Variants in ZNF503 observed in about 807,000 individuals in gnomAD.
ZNF503 encodes the protein zinc finger protein 503, also known as NocA-like zinc finger 2.
In ZNF503, 15 loss-of-function variants were observed where a neutral mutation model predicts 34.4. The observed-to-expected ratio is 0.44, with a 90% CI of 0.29 to 0.67. The LOEUF (loss-of-function observed/expected upper bound fraction) is 0.67, where lower values mean the gene tolerates loss of function less well. Among genes scored for constraint, ZNF503 ranks in the 30% least tolerant of loss-of-function variants. ZNF503 has a pLI of 0.13. For missense variants in ZNF503, 1,007 were observed against 926.8 expected (o/e 1.09, Z -1.12); for synonymous variants, 580 against 456.8 (o/e 1.27, Z -3.44).
At chr10:75,356,745 G>A in the ZNF503 span, among the ~76,000 whole-genome samples, 1 of 152,152 alleles carries the variant, frequency 6.6e-6, no homozygotes, top group South Asian at 2.1e-4. Flanking sequence ...TTGAGGCCCT[G>A]ACAGATTTTA....
At chr10:75,294,931 T>G in the ZNF503 span, among the ~76,000 whole-genome samples, 393 of 152,270 alleles carry the variant, frequency 2.6e-3, 2 homozygotes, top group Non-Finnish European at 4.8e-3. Context: ...CATTATTGGT[T>G]ACGCTGTTGT....
At chr10:75,305,385 C>T in the ZNF503 span, among the ~76,000 whole-genome samples, 1 of 152,082 alleles carries the variant, frequency 6.6e-6, no homozygotes, top group African/African-American at 2.4e-5. Context: ...AGAAGTGTAA[C>T]ATACTGGTAG....
At chr10:75,325,023 C>T in the ZNF503 span, among the ~76,000 whole-genome samples, 1 of 151,978 alleles carries the variant, frequency 6.6e-6, no homozygotes, top group Non-Finnish European at 1.5e-5. Context: ...TGGGTTGTTT[C>T]CACTTTTTGG....
chr10:75,377,307 A>G, the ZNF503 span, among the ~76,000 whole-genome samples: 2 of 152,212 alleles, frequency 1.3e-5, no homozygotes, highest in African/African-American at 4.8e-5. Flanking sequence ...AGGGCACAAA[A>G]TCTCCAGAGT....
chr10:75,374,464 T>G, the ZNF503 span, among the ~76,000 whole-genome samples: 1 of 152,216 alleles, frequency 6.6e-6, no homozygotes, highest in East Asian at 1.9e-4. Context: ...GACTCCCACC[T>G]GGGGTCTTCG....
At chr10:75,363,330 C>A in the ZNF503 span, among the ~76,000 whole-genome samples, 1 of 151,938 alleles carries the variant, frequency 6.6e-6, no homozygotes, top group Non-Finnish European at 1.5e-5. Context: ...TGTGGCCAGG[C>A]CTTGGAGAAT....
chr10:75,343,930 G>C, the ZNF503 span, among the ~76,000 whole-genome samples: 1 of 152,224 alleles, frequency 6.6e-6, no homozygotes, highest in Non-Finnish European at 1.5e-5. Flanking sequence ...CTCCCATGCA[G>C]GCAGACTGTA....
the ZNF503 span, among the ~76,000 whole-genome samples, chr10:75,300,121 C>A: frequency 6.6e-6 from 1 of 152,148 alleles, no homozygotes; most frequent in African/African-American, 2.4e-5. Context: ...CCCAAGGGGG[C>A]CATTTTAGAG....
At chr10:75,334,942 T>C in the ZNF503 span, among the ~76,000 whole-genome samples, 111 of 152,372 alleles carry the variant, frequency 7.3e-4, no homozygotes, top group Middle Eastern at 3.4e-3. Flanking sequence ...TAACTTTTCT[T>C]CATTTTCAAA....
the ZNF503 span, among the ~76,000 whole-genome samples, chr10:75,353,155 T>C: frequency 2.0e-5 from 3 of 152,250 alleles, no homozygotes; most frequent in Non-Finnish European, 2.9e-5. Context: ...ACATTATACG[T>C]ACAGATTTGT....
the ZNF503 span, among the ~76,000 whole-genome samples, chr10:75,368,719 G>A: frequency 6.6e-6 from 1 of 152,214 alleles, no homozygotes; most frequent in Non-Finnish European, 1.5e-5. Context: ...GGAAATGGAT[G>A]ACCTGGCAAA....
At chr10:75,331,123 G>A in the ZNF503 span, among the ~76,000 whole-genome samples, 1 of 152,092 alleles carries the variant, frequency 6.6e-6, no homozygotes. Context: ...TGTTCCTCTT[G>A]TTATTGATTT....
chr10:75,304,114 G>A, the ZNF503 span, among the ~76,000 whole-genome samples: 7 of 152,148 alleles, frequency 4.6e-5, no homozygotes, highest in South Asian at 2.1e-4. Flanking sequence ...GATTACAGGC[G>A]TGAGCCACCA....
In ZNF503 at chr10:75,399,046, T is replaced by C. The variant is rs778110403; in HGVS notation, c.1644A>G (p.Thr548=). The C allele has an allele frequency of 6.2e-7, 1 of 1,612,744 alleles. No individual in the cohort carries two copies. Among genetic ancestry groups the C allele is most frequent in the East Asian group, 2.2e-5 (1 of 44,856 alleles). ...HLRTHTAFPG[T]DKLLSGYPSS... ...TGGGGTAGCCCGACAGCAGTTTGTC[T>C]GTCCCGGGAAATGCCGTATGGGTCC... The change falls in exon 2 of 2, where the codon ACA becomes ACG. Residue 548 remains threonine (T), a synonymous_variant. Coordinates refer to ENST00000372524, the MANE Select transcript of ZNF503 (RefSeq NM_032772.6).
At chr10:75,392,898 C>T (rs1843660228), downstream of ZNF503, among the ~76,000 whole-genome samples, 1 of 152,142 alleles carries the variant, frequency 6.6e-6, no homozygotes, top group Admixed American at 6.5e-5. Flanking sequence ...CACTACAGCC[C>T]CATTAGGTTG....
chr10:75,375,213 C>T, the ZNF503 span, among the ~76,000 whole-genome samples: 26 of 151,440 alleles, frequency 1.7e-4, no homozygotes, highest in East Asian at 3.9e-4. Flanking sequence ...CCCTGCCTCC[C>T]GAGTTCAAGC....
At chr10:75,328,777 G>A in the ZNF503 span, among the ~76,000 whole-genome samples, 2 of 125,424 alleles carry the variant, frequency 1.6e-5, no homozygotes, top group Non-Finnish European at 3.2e-5. Flanking sequence ...ACGAAGTCTC[G>A]CTCTTGTCTC....
chr10:75,341,220 A>C, the ZNF503 span, among the ~76,000 whole-genome samples: 18 of 152,208 alleles, frequency 1.2e-4, no homozygotes, highest in African/African-American at 3.1e-4. Context: ...AACTCTTTTA[A>C]AGTTGTAAAG....
chr10:75,306,256 C>T, the ZNF503 span, among the ~76,000 whole-genome samples: 1 of 152,200 alleles, frequency 6.6e-6, no homozygotes, highest in South Asian at 2.1e-4. Flanking sequence ...AGGGTAGTAT[C>T]TCATTGTGCT....
Sources: gnomAD v4.1 joint callset for allele counts (sites outside exome capture counted in the v4.1 genomes callset) on GRCh38, gnomAD v4.1.1 for gene constraint, MANE v1.5 for transcripts, NCBI Gene and HGNC (gene_info 2026-07-23, HGNC 2026-07-21) for gene names.